The following DPYD variants were observed in gnomAD, a reference collection of about 807,000 sequenced individuals.
DPYD encodes the protein dihydropyrimidine dehydrogenase.
Under a neutral mutation model 116.2 loss-of-function variants are expected in DPYD, and 109 were observed. The ratio of observed to expected loss-of-function variants is 0.94; its 90% CI spans 0.80 to 1.10. The LOEUF is 1.10. DPYD is among the 50% of genes least tolerant of loss of function. The pLI is 0.00. For synonymous variants in DPYD, 440 were observed against 432.0 expected, an observed-to-expected ratio of 1.02 and a Z score of -0.23; for missense variants, 1,302 against 1,254.5, an observed-to-expected ratio of 1.04 and a Z score of -0.57.
chr1:97,532,818 T>C (rs774505463), intron 12 of DPYD, among the ~76,000 whole-genome samples: 10 of 151,988 alleles, frequency 6.6e-5, no homozygotes, highest in Non-Finnish European at 1.5e-4. Flanking sequence ...TTAATTTTGT[T>C]GATTTTGTTC....
At chr1:97,806,435 C>T (rs1668081554) in intron 3 of DPYD, among the ~76,000 whole-genome samples, 1 of 151,886 alleles carries the variant, frequency 6.6e-6, no homozygotes, top group Admixed American at 6.6e-5. Context: ...CAGGTTTCTA[C>T]TGGATGTGTG....
At chr1:97,246,834 T>A (rs539098651) in intron 18 of DPYD, among the ~76,000 whole-genome samples, 6 of 152,144 alleles carry the variant, frequency 3.9e-5, no homozygotes, top group East Asian at 1.9e-4. Context: ...TTCAAAGCTA[T>A]TTATTGTTAA....
chr1:97,872,548 T>C (rs1053916818), intron 2 of DPYD, among the ~76,000 whole-genome samples: 7 of 151,932 alleles, frequency 4.6e-5, no homozygotes, highest in Admixed American at 4.6e-4. Flanking sequence ...TTTTAGTCAA[T>C]TATCATCTTA....
At chr1:97,679,954 G>A (rs554281967) in intron 7 of DPYD, among the ~76,000 whole-genome samples, 2 of 152,198 alleles carry the variant, frequency 1.3e-5, no homozygotes, top group South Asian at 2.1e-4. Context: ...GGAAAAAGGG[G>A]AATGATCAGA....
At chr1:97,600,284 A>G (rs1216989372) in intron 8 of DPYD, among the ~76,000 whole-genome samples, 1 of 152,136 alleles carries the variant, frequency 6.6e-6, no homozygotes, top group African/African-American at 2.4e-5. Flanking sequence ...GAGATCTCAC[A>G]TGTTATGTTA....
chr1:97,451,033 C>A (rs528807325), intron 13 of DPYD, among the ~76,000 whole-genome samples: 1 of 152,172 alleles, frequency 6.6e-6, no homozygotes, highest in East Asian at 1.9e-4. Flanking sequence ...GAGGAAAGGT[C>A]ATTTAGTTAA....
chr1:97,721,468 G>A, intron 5 of DPYD, 42 bp downstream of exon 5: 1 of 1,606,490 alleles, frequency 6.2e-7, no homozygotes, highest in Non-Finnish European at 8.5e-7. Flanking sequence ...ATTTGTGCAT[G>A]GTGATGGTAG....
intron 3 of DPYD, among the ~76,000 whole-genome samples, chr1:97,763,641 C>A (rs1665699565): frequency 6.6e-6 from 1 of 151,972 alleles, no homozygotes; most frequent in African/African-American, 2.4e-5. Flanking sequence ...TTGAACTCAC[C>A]TGAATAATCT....
intron 3 of DPYD, among the ~76,000 whole-genome samples, chr1:97,816,319 C>G (rs114777943): frequency 2.6e-5 from 4 of 151,922 alleles, no homozygotes; most frequent in Non-Finnish European, 4.4e-5. Context: ...ACAAAAAACC[C>G]TCTTTGTAGA....
intron 2 of DPYD, among the ~76,000 whole-genome samples, chr1:97,852,467 C>T (rs1009057712): frequency 1.7e-4 from 26 of 152,042 alleles, no homozygotes; most frequent in Admixed American, 1.7e-3. Context: ...GTTTTCCCAT[C>T]TTTAAACTGA....
At chr1:97,128,027 T>A (rs534988590) in intron 20 of DPYD, among the ~76,000 whole-genome samples, 116 of 152,316 alleles carry the variant, frequency 7.6e-4, no homozygotes, top group African/African-American at 2.7e-3. Flanking sequence ...AAGTGTTGGT[T>A]CATGCTGGAG....
intron 3 of DPYD, among the ~76,000 whole-genome samples, chr1:97,766,876 A>C (rs532311966): frequency 6.6e-6 from 1 of 152,236 alleles, no homozygotes; most frequent in Non-Finnish European, 1.5e-5. Context: ...AAAACTAATC[A>C]GGTGCCAAAT....
intron 14 of DPYD, 40 bp from the exon 15 acceptor site, chr1:97,382,501 T>A: frequency 8.0e-7 from 1 of 1,242,728 alleles, no homozygotes; most frequent in Non-Finnish European, 1.1e-6. Context: ...TTCAAGTAGT[T>A]ATCCAGTTGT....
rs983812773 is a variant in DPYD at position 97,559,278 on chromosome 1, G to A, written c.1340-9534C>T. Among the ~76,000 whole-genome samples the A allele has an allele frequency of 6.6e-5, 10 of 151,600 alleles. 1 individual carries two copies. Among genetic ancestry groups the A allele is most frequent in the Admixed American group, 2.0e-4 (3 of 15,212 alleles). On this transcript the variant is annotated intron_variant, in intron 11 of 22. Transcript: ENST00000370192. ...AAAATTCCCATTTGCTGCATTTAAC[G>A]GAAAAATAAAAACAAATAGGAAACC...
At chr1:97,883,582 GA>G (rs1418349639) in intron 1 of DPYD, among the ~76,000 whole-genome samples, 1 of 151,874 alleles carries the variant, frequency 6.6e-6, no homozygotes, top group Non-Finnish European at 1.5e-5. Context: ...AAGTAGCTCG[GA>G]CTACAGGCGT....
intron 20 of DPYD, among the ~76,000 whole-genome samples, chr1:97,107,829 CTCTT>C (rs572041908): frequency 7.4e-4 from 112 of 152,166 alleles, no homozygotes; most frequent in African/African-American, 2.6e-3. Flanking sequence ...GTTTAATATG[CTCTT>C]TATTTATTTA....
chr1:97,079,092 C>T lies in DPYD; in HGVS notation c.2962G>A (p.Gly988Ser), dbSNP rs1340393882. 1 of 1,613,646 alleles carries T rather than the reference C, an allele frequency of 6.2e-7. No homozygotes were observed. The highest frequency in any genetic ancestry group is 8.5e-7 in the Non-Finnish European group (1 of 1,179,752). The change falls in exon 23 of 23, where the codon GGC becomes AGC. Residue 988 changes from glycine to serine, a missense_variant. By Grantham distance (56) the Gly-to-Ser change is moderately conservative (BLOSUM62 0). Coordinates refer to ENST00000370192, the MANE Select transcript of DPYD (RefSeq NM_000110.4). ...HLPTITDTCTGCTLCLSVCPI... is the reference protein window; with the variant it reads ...HLPTITDTCTSCTLCLSVCPI... Reference sequence around the variant, plus strand: ...CAAACACTGAGACACAGAGTACAGCCTGTACAAGTGTCGGTTATGGTGGGC... The same window carrying T: ...CAAACACTGAGACACAGAGTACAGCTTGTACAAGTGTCGGTTATGGTGGGC...
At chr1:97,192,315 T>G (rs1044177332) in intron 20 of DPYD, among the ~76,000 whole-genome samples, 1 of 152,070 alleles carries the variant, frequency 6.6e-6, no homozygotes. Flanking sequence ...TATTAAATGC[T>G]TCCTTAAAGA....
intron 2 of DPYD, among the ~76,000 whole-genome samples, chr1:97,846,048 A>G (rs1670284188): frequency 6.6e-6 from 1 of 152,204 alleles, no homozygotes; most frequent in Non-Finnish European, 1.5e-5. Context: ...TGCCCTGGGC[A>G]GGTATGGGAT....
Sources: allele counts gnomAD v4.1 joint callset (sites outside exome capture counted in the v4.1 genomes callset), GRCh38; gene constraint gnomAD v4.1.1; transcripts MANE v1.5; gene names NCBI Gene and HGNC (gene_info 2026-07-23, HGNC 2026-07-21).